Variants in CNTNAP2 observed in about 807,000 individuals in gnomAD.
The protein encoded by CNTNAP2 is contactin associated protein 2.
Under a neutral mutation model 155.2 loss-of-function variants are expected in CNTNAP2, and 98 were observed. That is an observed-to-expected ratio of 0.63 (90% CI 0.54 to 0.75). The LOEUF (loss-of-function observed/expected upper bound fraction) is 0.75. Ranked by LOEUF, CNTNAP2 falls within the 30% of genes least tolerant of loss-of-function variation. The pLI, the probability that CNTNAP2 is intolerant of heterozygous loss-of-function variation, is 0.00. For missense variants in CNTNAP2, 1,727 were observed against 1,688.1 expected (o/e 1.02, Z -0.40); for synonymous variants, 651 against 631.2 (o/e 1.03, Z -0.47).
chr7:146,700,118 C>G (rs2642504), intron 1 of CNTNAP2, among the ~76,000 whole-genome samples: 2 of 152,040 alleles, frequency 1.3e-5, no homozygotes, highest in African/African-American at 4.8e-5. Context: ...AGAGTGTAGC[C>G]CCTTCCAAGA....
chr7:147,518,361 G>A (rs1179559064), intron 11 of CNTNAP2, among the ~76,000 whole-genome samples: 1 of 152,136 alleles, frequency 6.6e-6, no homozygotes, highest in African/African-American at 2.4e-5. Flanking sequence ...ATAAATGAGA[G>A]AAGGTGGTAG....
chr7:146,711,722 ATCTTATGTATACATATATAGTATACAC>A (rs1337686444), intron 1 of CNTNAP2, among the ~76,000 whole-genome samples: 8 of 145,818 alleles, frequency 5.5e-5, no homozygotes, highest in Non-Finnish European at 1.1e-4. Flanking sequence ...TAGTATACAC[ATCTTATGTATACATATATAGTATACAC>A]ATCTTATGTA....
Position 146,886,287 on chromosome 7 carries a change from AG to A in CNTNAP2, c.402+46384del, listed in dbSNP as rs74274752. Among the ~76,000 whole-genome samples the A allele has an allele frequency of 7.7e-3, 1,143 of 148,744 alleles. 14 individuals are homozygous for A. The highest frequency in any genetic ancestry group is 0.019 in the East Asian group (96 of 5,086). ...TGTTCAGTTTTCTTAAAAAAAAAAAAGAAAGAAATATCTTTATACCAAGATA... is the reference window on the plus strand; with the variant it reads ...TGTTCAGTTTTCTTAAAAAAAAAAAAAAAGAAATATCTTTATACCAAGATA... On this transcript the variant is annotated intron_variant, in intron 3 of 23. Transcript: ENST00000361727.
intron 9 of CNTNAP2, among the ~76,000 whole-genome samples, chr7:147,338,818 A>G (rs1252147279): frequency 6.6e-6 from 1 of 152,030 alleles, no homozygotes; most frequent in East Asian, 1.9e-4. Flanking sequence ...ATGTGTATGT[A>G]GATATATAAA....
At chr7:147,445,783 T>C (rs1797724860) in intron 10 of CNTNAP2, among the ~76,000 whole-genome samples, 1 of 152,164 alleles carries the variant, frequency 6.6e-6, no homozygotes, top group African/African-American at 2.4e-5. Flanking sequence ...TCTCTTTTTC[T>C]TCTTTCTTTC....
chr7:146,980,952 T>C (rs551276743), intron 3 of CNTNAP2, among the ~76,000 whole-genome samples: 49 of 152,234 alleles, frequency 3.2e-4, no homozygotes, highest in African/African-American at 1.2e-3. Flanking sequence ...CACAACTGCT[T>C]TTTCTACCCC....
chr7:146,134,762 C>A (rs1407958267), intron 1 of CNTNAP2, among the ~76,000 whole-genome samples: 4 of 151,626 alleles, frequency 2.6e-5, no homozygotes, highest in African/African-American at 9.7e-5. Context: ...GGATGAAGCC[C>A]ACTTAATCAT....
chr7:147,033,256 A>G (rs866940779), intron 3 of CNTNAP2, among the ~76,000 whole-genome samples: 3 of 147,190 alleles, frequency 2.0e-5, no homozygotes, highest in Middle Eastern at 3.5e-3. Context: ...AATAAAAAAG[A>G]GTGTATTTTT....
At chr7:147,680,927 G>T (rs1164451646) in intron 13 of CNTNAP2, among the ~76,000 whole-genome samples, 4 of 151,708 alleles carry the variant, frequency 2.6e-5, no homozygotes, top group Non-Finnish European at 5.9e-5. Flanking sequence ...CATAAGGCTG[G>T]AGTGCAATTA....
chr7:148,014,585 A>G lies in CNTNAP2; in HGVS notation c.2383+36596A>G, dbSNP rs139016968. On this transcript the variant is annotated intron_variant, in intron 15 of 23. Transcript: ENST00000361727. ...AGAATGATAGCTCTGTTACTCCCCA[A>G]ATATTACCAAAACAAAGGCGTGGTC... 8.7e-3 allele frequency among the ~76,000 whole-genome samples: 1,322 copies of G among 152,294 alleles called. 13 individuals are homozygous for G. Among genetic ancestry groups the G allele is most frequent in the Middle Eastern group, 0.017 (5 of 294 alleles).
At chr7:146,785,013 A>T (rs1802551492) in intron 2 of CNTNAP2, among the ~76,000 whole-genome samples, 1 of 148,562 alleles carries the variant, frequency 6.7e-6, no homozygotes, top group Non-Finnish European at 1.5e-5. Flanking sequence ...TTTGTCACCC[A>T]GGCTAGAGTG....
At position 147,442,169 on chromosome 7, in the gene CNTNAP2, T is replaced by C. The variant is rs75633698; in HGVS notation, c.1671-43766T>C. Among the ~76,000 whole-genome samples, 517 of 152,236 alleles carry C rather than the reference T, an allele frequency of 3.4e-3. 2 individuals carry two copies. The highest frequency in any genetic ancestry group is 0.012 in the African/African-American group (497 of 41,568). On this transcript the variant is annotated intron_variant, in intron 10 of 23. Transcript: ENST00000361727. ...AGGGACTAGAGTCAACAAACTTAAATGTCTACTTTGTCCTCTTTTGTCCTG... is the reference window on the plus strand; with the variant it reads ...AGGGACTAGAGTCAACAAACTTAAACGTCTACTTTGTCCTCTTTTGTCCTG...
chr7:148,078,901 G>A (rs1803546182), intron 15 of CNTNAP2, among the ~76,000 whole-genome samples: 1 of 152,162 alleles, frequency 6.6e-6, no homozygotes, highest in African/African-American at 2.4e-5. Context: ...TCTCAAATTT[G>A]TTAGAAATGT....
chr7:146,816,629 C>T (rs1329762574), intron 2 of CNTNAP2, among the ~76,000 whole-genome samples: 2 of 152,160 alleles, frequency 1.3e-5, no homozygotes, highest in Non-Finnish European at 2.9e-5. Context: ...TCAGTAATAA[C>T]ATGTCAGTTT....
At chr7:147,927,224 C>A (rs1289305081) in intron 14 of CNTNAP2, among the ~76,000 whole-genome samples, 1 of 152,108 alleles carries the variant, frequency 6.6e-6, no homozygotes, top group African/African-American at 2.4e-5. Context: ...TGTTCTGTTC[C>A]CCCAAACTAT....
At chr7:146,169,758 A>G (rs953784288) in intron 1 of CNTNAP2, among the ~76,000 whole-genome samples, 3 of 151,132 alleles carry the variant, frequency 2.0e-5, no homozygotes, top group Admixed American at 6.6e-5. Flanking sequence ...TTAACATAAT[A>G]TATTCCAGGT....
Position 146,400,301 on chromosome 7 carries a change from G to A in CNTNAP2, c.97+283328G>A, listed in dbSNP as rs148151714. On this transcript the variant is annotated intron_variant, in intron 1 of 23. Coordinates refer to ENST00000361727, the MANE Select transcript of CNTNAP2 (RefSeq NM_014141.6). ...AAATATGAAAAAAAGGAGGCTGGGA[G>A]ACAGCAAAACTTCTTTGAATTACCA... Among the ~76,000 whole-genome samples the A allele has an allele frequency of 4.8e-3, 736 of 152,142 alleles. 1 individual carries two copies. Among genetic ancestry groups the A allele is most frequent in the Non-Finnish European group, 8.5e-3 (578 of 68,006 alleles).
At chr7:146,357,285 G>A (rs534785656) in intron 1 of CNTNAP2, among the ~76,000 whole-genome samples, 1 of 148,062 alleles carries the variant, frequency 6.8e-6, no homozygotes, top group East Asian at 2.0e-4. Context: ...ACCCCACTAC[G>A]TCTCTTGCAT....
At chr7:147,083,141 A>G (rs1800173035) in intron 4 of CNTNAP2, 1 of 152,110 alleles carries the variant, frequency 6.6e-6, no homozygotes. Context: ...GCTCCCTTGC[A>G]GAGAAAAGAG....
Sources: gnomAD v4.1 joint callset for allele counts (sites outside exome capture counted in the v4.1 genomes callset) on GRCh38, gnomAD v4.1.1 for gene constraint, MANE v1.5 for transcripts, NCBI Gene and HGNC (gene_info 2026-07-23, HGNC 2026-07-21) for gene names.